TTBK2: variants seen among roughly 807,000 people sequenced by gnomAD.
TTBK2 encodes tau tubulin kinase 2, also known as tau-tubulin kinase 2.
TTBK2 carries 28 observed loss-of-function variants against 110.8 expected under a neutral mutation model. That is an observed-to-expected ratio of 0.25 (90% CI 0.19 to 0.35). TTBK2 has a LOEUF of 0.35. Ranked by LOEUF, TTBK2 falls within the 10% of genes least tolerant of loss-of-function variation. The probability of loss-of-function intolerance (pLI) is 1.00; values close to 1 mark genes in which losing one functional copy is unlikely to be tolerated. For synonymous variants in TTBK2, 532 were observed against 527.3 expected (o/e 1.01, Z -0.12); for missense variants, 1,369 against 1,500.3 (o/e 0.91, Z 1.45).
chr15:42,815,897 TATATATATATTTAAAA>T (rs1891928909), intron 7 of TTBK2, among the ~76,000 whole-genome samples: 1 of 115,912 alleles, frequency 8.6e-6, no homozygotes, highest in African/African-American at 4.1e-5. Flanking sequence ...TTTAAAAATA[TATATATATATTTAAAA>T]ATATATATAT....
At chr15:42,866,574 G>C (rs1321516105) in intron 3 of TTBK2, among the ~76,000 whole-genome samples, 1 of 152,050 alleles carries the variant, frequency 6.6e-6, no homozygotes, top group Non-Finnish European at 1.5e-5. Flanking sequence ...AGATATAACT[G>C]ACATCTATAG....
intron 13 of TTBK2, among the ~76,000 whole-genome samples, chr15:42,761,733 C>A (rs2062030414): frequency 1.3e-5 from 2 of 152,118 alleles, no homozygotes; most frequent in South Asian, 2.1e-4. Flanking sequence ...CAAATAAAAA[C>A]CACAATGAGA....
At chr15:42,900,219 C>T (rs1567085254) in intron 1 of TTBK2, among the ~76,000 whole-genome samples, 2 of 151,988 alleles carry the variant, frequency 1.3e-5, no homozygotes, top group South Asian at 4.2e-4. Flanking sequence ...TCTCAAAACT[C>T]CTGACCTCAT....
chr15:42,886,765 G>A (rs991400796), intron 1 of TTBK2, among the ~76,000 whole-genome samples: 1 of 152,104 alleles, frequency 6.6e-6, no homozygotes, highest in Non-Finnish European at 1.5e-5. Context: ...GCGGTCAGGC[G>A]TTCCTTCAGG....
intron 6 of TTBK2, among the ~76,000 whole-genome samples, chr15:42,825,227 A>G (rs748503652): frequency 6.6e-6 from 1 of 152,214 alleles, no homozygotes; most frequent in Non-Finnish European, 1.5e-5. Flanking sequence ...TAAGCTAAAC[A>G]TGAAGGCCTG....
intron 3 of TTBK2, among the ~76,000 whole-genome samples, chr15:42,866,413 C>T (rs1347481770): frequency 1.3e-5 from 2 of 152,090 alleles, no homozygotes; most frequent in African/African-American, 4.8e-5. Flanking sequence ...CTTCAAACTA[C>T]ATGAGGTAAA....
At chr15:42,764,241 T>C (rs1889246235) in intron 13 of TTBK2, among the ~76,000 whole-genome samples, 1 of 152,158 alleles carries the variant, frequency 6.6e-6, no homozygotes, top group Non-Finnish European at 1.5e-5. Flanking sequence ...CTGGTTCATC[T>C]CACTGGGACT....
intron 13 of TTBK2, among the ~76,000 whole-genome samples, chr15:42,763,084 T>TATATATATATATATATATATATATA: frequency 9.2e-6 from 1 of 108,794 alleles, no homozygotes; most frequent in East Asian, 3.2e-4. Flanking sequence ...GTTAACAATT[T>TATATATATATATATATATATATATA]TATATATATA....
chr15:42,879,996 CAAAA>C (rs71108186), intron 1 of TTBK2, among the ~76,000 whole-genome samples: 3 of 74,454 alleles, frequency 4.0e-5, no homozygotes, highest in Non-Finnish European at 5.5e-5. Flanking sequence ...GATCCTGTCT[CAAAA>C]AAAAAAAAAA....
At chr15:42,859,895 G>A (rs952783392) in intron 3 of TTBK2, among the ~76,000 whole-genome samples, 12 of 151,846 alleles carry the variant, frequency 7.9e-5, no homozygotes, top group African/African-American at 2.4e-4. Context: ...AAGAAAGAAC[G>A]AAAAGAAAAC....
At chr15:42,866,190 G>A (rs1313116656) in intron 3 of TTBK2, among the ~76,000 whole-genome samples, 1 of 152,118 alleles carries the variant, frequency 6.6e-6, no homozygotes, top group Non-Finnish European at 1.5e-5. Context: ...TGTAACCCCA[G>A]CTATTCGGGA....
intron 13 of TTBK2, among the ~76,000 whole-genome samples, chr15:42,763,157 C>CATATATATATATATATACACAT (rs1889133433): frequency 4.9e-5 from 1 of 20,464 alleles, no homozygotes; most frequent in Non-Finnish European, 7.8e-5. Context: ...TATATATATA[C>CATATATATATATATATACACAT]ATATATATAT....
Position 42,920,550 on chromosome 15 carries a change from C to G in TTBK2, c.-180G>C, listed in dbSNP as rs2031317932. 1 of 153,556 alleles carries G rather than the reference C, an allele frequency of 6.5e-6. No individual in the cohort carries two copies. Among genetic ancestry groups the G allele is most frequent in the South Asian group, 1.8e-4 (1 of 5,584 alleles). 9.5% of individuals were successfully genotyped at this position (153,556 alleles called of 1,614,324 possible). On this transcript the variant is annotated 5_prime_UTR_variant, in exon 1 of 15. Coordinates refer to ENST00000267890, the MANE Select transcript of TTBK2 (RefSeq NM_173500.4). The stretch of plus-strand genomic sequence containing the variant: ...GGGACCGCCACTGCCTGCCCATCCC[C>G]CACCGCCGACTGCGGCGGGACCCGA...
intron 6 of TTBK2, among the ~76,000 whole-genome samples, chr15:42,823,597 T>C (rs1892402514): frequency 6.6e-6 from 1 of 152,236 alleles, no homozygotes; most frequent in African/African-American, 2.4e-5. Context: ...TAGAATAGTT[T>C]TGTATCTGGA....
chr15:42,906,902 G>A (rs1384518801), intron 1 of TTBK2, among the ~76,000 whole-genome samples: 3 of 151,608 alleles, frequency 2.0e-5, no homozygotes, highest in Admixed American at 6.6e-5. Context: ...AAAGACATTC[G>A]GGCCAAGAGC....
chr15:42,815,958 A>AATATATATATATATATATATATAT (rs1555427628), intron 7 of TTBK2, among the ~76,000 whole-genome samples: 4 of 91,686 alleles, frequency 4.4e-5, no homozygotes, highest in South Asian at 3.5e-4. Context: ...TTAAAAAAAA[A>AATATATATATATATATATATATAT]ATATATATAT....
At chr15:42,847,722 CT>C (rs1447736493) in intron 3 of TTBK2, among the ~76,000 whole-genome samples, 1 of 152,224 alleles carries the variant, frequency 6.6e-6, no homozygotes, top group Non-Finnish European at 1.5e-5. Context: ...TATTGGCCTT[CT>C]TTGTGTGGGT....
intron 3 of TTBK2, among the ~76,000 whole-genome samples, chr15:42,868,570 T>A (rs1894478292): frequency 6.6e-6 from 1 of 152,088 alleles, no homozygotes; most frequent in Non-Finnish European, 1.5e-5. Context: ...TATTTGCCTG[T>A]CTCAGGCTGG....
At chr15:42,877,886 C>T (rs753588096) in intron 2 of TTBK2, among the ~76,000 whole-genome samples, 1 of 151,804 alleles carries the variant, frequency 6.6e-6, no homozygotes, top group African/African-American at 2.4e-5. Flanking sequence ...GGTTAAATAT[C>T]GCTTCAAAAT....
Sources: gnomAD v4.1 joint callset for allele counts (sites outside exome capture counted in the v4.1 genomes callset) on GRCh38, gnomAD v4.1.1 for gene constraint, MANE v1.5 for transcripts, NCBI Gene and HGNC (gene_info 2026-07-23, HGNC 2026-07-21) for gene names.